CACHD1: variants seen among roughly 807,000 people sequenced by gnomAD.
CACHD1 encodes the protein cache domain containing 1.
A neutral mutation model predicts 138.7 loss-of-function variants in CACHD1; 71 were observed. The ratio of observed to expected loss-of-function variants is 0.51; its 90% confidence interval spans 0.42 to 0.62. The LOEUF is 0.62. Ranked by LOEUF, CACHD1 falls within the 20% of genes least tolerant of loss-of-function variation. The pLI, the probability that CACHD1 is intolerant of heterozygous loss-of-function variation, is 0.00. For missense variants in CACHD1, 1,389 were observed against 1,625.3 expected (o/e 0.85, Z 2.50); for synonymous variants, 578 against 591.5 (o/e 0.98, Z 0.33).
chr1:64,594,240 G>A (rs1647131604), intron 3 of CACHD1, among the ~76,000 whole-genome samples: 2 of 132,488 alleles, frequency 1.5e-5, no homozygotes. Context: ...GGCAGCAAGA[G>A]CAAAACTTTG....
intron 2 of CACHD1, among the ~76,000 whole-genome samples, chr1:64,551,336 C>T (rs1646757439): frequency 6.6e-6 from 1 of 151,712 alleles, no homozygotes; most frequent in South Asian, 2.1e-4. Context: ...GATGAACTGC[C>T]TCCTAAAATA....
At chr1:64,622,594 G>GT (rs1557524083) in intron 4 of CACHD1, among the ~76,000 whole-genome samples, 2 of 152,280 alleles carry the variant, frequency 1.3e-5, no homozygotes, top group East Asian at 1.9e-4. Flanking sequence ...TACTCAGTAA[G>GT]TTTTTTATCT....
At position 64,549,502 on chromosome 1, in the gene CACHD1, A is replaced by AC. The variant is rs1047114033; in HGVS notation, c.199-1086dup. Among the ~76,000 whole-genome samples the AC allele has an allele frequency of 3.4e-4, 51 of 151,942 alleles. 1 individual carries two copies. In the South Asian group the frequency reaches 3.7e-3, roughly 11 times the overall value. ...TTTGCTTCCCTCCATCCTGCACTCC[A>AC]CCCCCCGACCAAACCTCCCTCTAAG... On this transcript the variant is annotated intron_variant, in intron 1 of 26. Coordinates refer to ENST00000651257, the MANE Select transcript of CACHD1 (RefSeq NM_020925.4).
intron 1 of CACHD1, among the ~76,000 whole-genome samples, chr1:64,544,266 C>T (rs1422484151): frequency 6.6e-6 from 1 of 152,144 alleles, no homozygotes; most frequent in Non-Finnish European, 1.5e-5. Context: ...CCCAGAGAAT[C>T]TCATTAGGCT....
intron 26 of CACHD1, among the ~76,000 whole-genome samples, chr1:64,689,052 C>A (rs182144644): frequency 1.3e-3 from 195 of 152,206 alleles, no homozygotes; most frequent in Non-Finnish European, 2.3e-3. Flanking sequence ...TCACCTTAGC[C>A]CTTTCCTGTC....
At chr1:64,545,254 C>G (rs563539311) in intron 1 of CACHD1, among the ~76,000 whole-genome samples, 3 of 152,264 alleles carry the variant, frequency 2.0e-5, no homozygotes, top group African/African-American at 7.2e-5. Context: ...CAGAAGAATG[C>G]ACAAAGTGTA....
At chr1:64,570,142 C>G (rs576017518) in intron 2 of CACHD1, among the ~76,000 whole-genome samples, 1 of 152,220 alleles carries the variant, frequency 6.6e-6, no homozygotes, top group Admixed American at 6.5e-5. Flanking sequence ...GCGAGCAACT[C>G]AAGAACAGGG....
chr1:64,611,899 G>A (rs6665381), intron 4 of CACHD1, among the ~76,000 whole-genome samples: 15,191 of 152,272 alleles, frequency 0.1, 799 homozygotes, highest in Middle Eastern at 0.19. Context: ...AGACTGAGGA[G>A]TTTGTGAAGA....
intron 2 of CACHD1, chr1:64,580,029 T>C (rs982642250): frequency 6.6e-6 from 1 of 152,138 alleles, no homozygotes; most frequent in Non-Finnish European, 1.5e-5. Flanking sequence ...CACCCTCTAC[T>C]GCCCACTGAA....
chr1:64,677,053 A>G (rs1177426120), intron 22 of CACHD1, 42 bp downstream of exon 22: 1 of 1,425,052 alleles, frequency 7.0e-7, no homozygotes, highest in Non-Finnish European at 9.9e-7. Context: ...TCCAGCTAAT[A>G]TTTATTATTC....
intron 1 of CACHD1, among the ~76,000 whole-genome samples, chr1:64,532,197 G>A (rs1384073040): frequency 6.6e-6 from 1 of 152,190 alleles, no homozygotes; most frequent in Non-Finnish European, 1.5e-5. Flanking sequence ...GACTCTTCGA[G>A]TGGTTCTCTG....
intron 9 of CACHD1, among the ~76,000 whole-genome samples, chr1:64,649,386 G>A (rs540064152): frequency 1.3e-5 from 2 of 152,124 alleles, no homozygotes; most frequent in East Asian, 3.9e-4. Context: ...TACTGTCAGG[G>A]ACTACAGATG....
intron 2 of CACHD1, among the ~76,000 whole-genome samples, chr1:64,555,283 G>C (rs1205315752): frequency 1.3e-5 from 2 of 151,988 alleles, no homozygotes; most frequent in African/African-American, 2.4e-5. Context: ...AGCCACTGCA[G>C]CTGGCCTCAT....
intron 8 of CACHD1, among the ~76,000 whole-genome samples, chr1:64,643,401 T>G (rs1648793092): frequency 6.6e-6 from 1 of 152,254 alleles, no homozygotes. Context: ...GTTTGGCTTA[T>G]GGCAAGTTAC....
intron 2 of CACHD1, among the ~76,000 whole-genome samples, chr1:64,560,706 G>T (rs750360077): frequency 6.6e-6 from 1 of 151,824 alleles, no homozygotes; most frequent in Non-Finnish European, 1.5e-5. Context: ...TATTAAGGTG[G>T]TTGATAATGT....
chr1:64,620,370 C>A (rs1260177727), intron 4 of CACHD1, among the ~76,000 whole-genome samples: 2 of 152,062 alleles, frequency 1.3e-5, no homozygotes, highest in Non-Finnish European at 2.9e-5. Flanking sequence ...AAGCAGATTT[C>A]TAATTCATAT....
intron 2 of CACHD1, among the ~76,000 whole-genome samples, chr1:64,581,668 T>C (rs1338633470): frequency 6.6e-6 from 1 of 152,198 alleles, no homozygotes; most frequent in East Asian, 1.9e-4. Context: ...GAGAATGGTG[T>C]CCCCTGGGAC....
intron 1 of CACHD1, among the ~76,000 whole-genome samples, chr1:64,493,017 T>C (rs1646287363): frequency 6.6e-6 from 1 of 152,170 alleles, no homozygotes; most frequent in Admixed American, 6.6e-5. Flanking sequence ...ATGAATGAAT[T>C]TGGAAGGAAA....
At position 64,522,966 on chromosome 1, in the gene CACHD1, ATACTGTGTCATAAGTGCTGGCACAGTTT is replaced by A. The variant is rs1207954663; in HGVS notation, c.199-27625_199-27598del. On this transcript the variant is annotated intron_variant, in intron 1 of 26. Transcript: ENST00000651257. ...TGATTTGAGTCCAGGGAAGTAGACC[ATACTGTGTCATAAGTGCTGGCACAGTTT>A]TAAAACAAAAGCATAAGTAGCCATG... is the stretch of plus-strand genomic sequence containing the variant. Among the ~76,000 whole-genome samples, 3 of 152,216 alleles carry A rather than the reference ATACTGTGTCATAAGTGCTGGCACAGTTT, an allele frequency of 2.0e-5. No individual in the cohort carries two copies. The South Asian group carries it at 6.2e-4, about 31-fold the overall frequency.
Sources: gnomAD v4.1 joint callset for allele counts (sites outside exome capture counted in the v4.1 genomes callset) on GRCh38, gnomAD v4.1.1 for gene constraint, MANE v1.5 for transcripts, NCBI Gene and HGNC (gene_info 2026-07-23, HGNC 2026-07-21) for gene names.